CABYR: variants seen among roughly 807,000 people sequenced by gnomAD.
CABYR encodes the protein calcium-binding tyrosine phosphorylation-regulated protein.
Under a neutral mutation model 36.1 loss-of-function variants are expected in CABYR, and 31 were observed. The ratio of observed to expected loss-of-function variants is 0.86; its 90% confidence interval spans 0.64 to 1.16. CABYR has a LOEUF of 1.16. Among genes scored for constraint, CABYR ranks in the 50% most tolerant of loss-of-function variants. The pLI is 0.00. For synonymous variants in CABYR, 146 were observed against 160.7 expected (o/e 0.91, Z 0.69); for missense variants, 429 against 455.8 (o/e 0.94, Z 0.53).
At chr18:24,149,107 A>G (rs1399191248) in intron 3 of CABYR, among the ~76,000 whole-genome samples, 5 of 151,968 alleles carry the variant, frequency 3.3e-5, no homozygotes. Context: ...GATTAGATAG[A>G]TACAGAGTGT....
chr18:24,157,377 T>TA (rs1374169267), intron 4 of CABYR, among the ~76,000 whole-genome samples: 1 of 152,212 alleles, frequency 6.6e-6, no homozygotes, highest in Non-Finnish European at 1.5e-5. Context: ...CTTGTGAATC[T>TA]AAAAATTAAA....
chr18:24,139,085 C>T lies in CABYR; in HGVS notation c.-58C>T, dbSNP rs947760700. 2.0e-5 allele frequency: 3 copies of T among 152,238 alleles called. No homozygotes were observed. Among genetic ancestry groups the T allele is most frequent in the Admixed American group, 1.3e-4 (2 of 15,284 alleles). 9.4% of individuals were successfully genotyped at this position (152,238 alleles called of 1,614,324 possible). A position where few individuals can be genotyped will look rare whatever the true frequency, so the allele number is the denominator to read the frequency against. On this transcript the variant is annotated 5_prime_UTR_variant, in exon 1 of 6. In the 5' UTR this introduces an upstream ATG that the reference lacks. Transcript: ENST00000399496. ...TCAGGAGCCGCCGGCAAGGGGGCAA[C>T]GAGGAAGCTCTTAAGAGCGCGGCCG...
chr18:24,139,368 A>G (rs981066135), intron 1 of CABYR: 1 of 152,246 alleles, frequency 6.6e-6, no homozygotes, highest in Non-Finnish European at 1.5e-5. Flanking sequence ...GAGCACGCCC[A>G]GCCTCCTACA....
intron 4 of CABYR, 171 bp downstream of exon 4, chr18:24,156,213 C>T (rs2085780688): frequency 6.2e-7 from 1 of 1,614,096 alleles, no homozygotes; most frequent in Non-Finnish European, 8.5e-7. Flanking sequence ...GGTTGTGAAC[C>T]AAACATCTGT....
intron 3 of CABYR, 146 bp downstream of exon 3, chr18:24,143,559 AT>A (rs1488258616): frequency 9.7e-6 from 2 of 206,792 alleles, no homozygotes; most frequent in Non-Finnish European, 1.7e-5. Flanking sequence ...ATATATATAT[AT>A]TTTTAGAGAC....
intron 3 of CABYR, among the ~76,000 whole-genome samples, chr18:24,152,396 A>G (rs182130726): frequency 2.2e-4 from 34 of 152,334 alleles, no homozygotes; most frequent in Admixed American, 1.6e-3. Flanking sequence ...TTGGTCATGC[A>G]GCTATTAAAT....
chr18:24,161,330 T>C (rs941004899), intron 5 of CABYR, among the ~76,000 whole-genome samples, 186 bp from the exon 6 acceptor site: 2 of 152,214 alleles, frequency 1.3e-5, no homozygotes, highest in African/African-American at 4.8e-5. Context: ...TCTGGTGGAA[T>C]TGCCAAAATG....
intron 4 of CABYR, chr18:24,156,267 C>A: frequency 6.2e-7 from 1 of 1,614,144 alleles, no homozygotes; most frequent in Non-Finnish European, 8.5e-7. Context: ...TGAGGCTGAA[C>A]CATCAACGGC....
intron 4 of CABYR, chr18:24,156,776 A>G: frequency 1.2e-6 from 2 of 1,614,210 alleles, no homozygotes; most frequent in Non-Finnish European, 1.7e-6. Flanking sequence ...AGATCACTTC[A>G]ATAGTCTCTG....
chr18:24,160,959 A>C (rs3786419), intron 5 of CABYR: 95,638 of 152,180 alleles, frequency 0.63, 30,395 homozygotes, highest in Non-Finnish European at 0.68. Flanking sequence ...TGGGGAGATT[A>C]TATAAAATGA....
chr18:24,160,149 T>G, intron 5 of CABYR, 80 bp downstream of exon 5: 1 of 998,546 alleles, frequency 1.0e-6, no homozygotes, highest in South Asian at 1.6e-5. Context: ...ACCTGGAGAT[T>G]TAGATATTTA....
At chr18:24,145,853 A>G (rs543350680) in intron 3 of CABYR, among the ~76,000 whole-genome samples, 10 of 152,212 alleles carry the variant, frequency 6.6e-5, no homozygotes, top group Non-Finnish European at 8.8e-5. Context: ...ATCATACACT[A>G]GGAAGAAAGG....
chr18:24,153,540 GT>G (rs2085692456), intron 3 of CABYR, among the ~76,000 whole-genome samples: 1 of 152,096 alleles, frequency 6.6e-6, no homozygotes, highest in South Asian at 2.1e-4. Flanking sequence ...TTACCAGCTG[GT>G]GTGATGGCAG....
At chr18:24,153,144 C>T (rs1306670320) in intron 3 of CABYR, among the ~76,000 whole-genome samples, 1 of 152,184 alleles carries the variant, frequency 6.6e-6, no homozygotes, top group African/African-American at 2.4e-5. Context: ...TGGCAGCCTG[C>T]TGTCTCTTGT....
chr18:24,160,130 G>A, intron 5 of CABYR, 61 bp downstream of exon 5: 1 of 1,154,262 alleles, frequency 8.7e-7, no homozygotes, highest in East Asian at 2.4e-5. Flanking sequence ...TAAGCATTTT[G>A]ATTTCTTGAC....
rs533768240 is a variant in CABYR, at chr18:24,157,107, T to C, written c.541+1065T>C. 153 of 777,524 alleles carry C rather than the reference T, an allele frequency of 2.0e-4. 3 individuals are homozygous for C. In the South Asian group the frequency reaches 2.5e-3, roughly 13 times the overall value. 48.2% of individuals were successfully genotyped at this position (777,524 alleles called of 1,614,324 possible). On this transcript the variant is annotated intron_variant, in intron 4 of 5. Transcript: ENST00000399496. ...CAGATTGGTCAGTCTTTATTTTCAATAGACTTTTTTTAAATGCCAAAGCCA... is the reference window on the plus strand; with the variant it reads ...CAGATTGGTCAGTCTTTATTTTCAACAGACTTTTTTTAAATGCCAAAGCCA...
At chr18:24,151,854 T>G (rs2085645575) in intron 3 of CABYR, among the ~76,000 whole-genome samples, 1 of 152,164 alleles carries the variant, frequency 6.6e-6, no homozygotes, top group Non-Finnish European at 1.5e-5. Context: ...TGTGTCTGGC[T>G]TATTTTTGTA....
At chr18:24,148,373 A>G in intron 3 of CABYR, among the ~76,000 whole-genome samples, 1 of 152,156 alleles carries the variant, frequency 6.6e-6, no homozygotes, top group East Asian at 1.9e-4. Flanking sequence ...GGCTGGGTAC[A>G]TTGCTGCCAC....
chr18:24,151,870 A>C (rs913932219), intron 3 of CABYR, among the ~76,000 whole-genome samples: 7 of 152,018 alleles, frequency 4.6e-5, no homozygotes, highest in Non-Finnish European at 1.0e-4. Context: ...TTGTATTTTT[A>C]GTAGAGACAG....
Sources: allele counts gnomAD v4.1 joint callset (sites outside exome capture counted in the v4.1 genomes callset), GRCh38; gene constraint gnomAD v4.1.1; transcripts MANE v1.5; gene names NCBI Gene and HGNC (gene_info 2026-07-23, HGNC 2026-07-21).